Variants in FGD1 observed in about 807,000 individuals in gnomAD.
FGD1 encodes FYVE, RhoGEF and PH domain-containing protein 1.
Under a neutral mutation model 65.0 loss-of-function variants are expected in FGD1, and 12 were observed. The ratio of observed to expected loss-of-function variants is 0.18; its 90% CI spans 0.12 to 0.30. The LOEUF (loss-of-function observed/expected upper bound fraction) is 0.30. Ranked by LOEUF, FGD1 falls within the 10% of genes least tolerant of loss-of-function variation. FGD1 has a pLI of 1.00. For missense variants in FGD1, 542 were observed against 837.6 expected (o/e 0.65, Z 4.36); for synonymous variants, 333 against 343.9 (o/e 0.97, Z 0.35).
At chrX:54,482,293 G>A (rs768505277) in intron 1 of FGD1, among the ~76,000 whole-genome samples, 1 of 106,813 alleles carries the variant, frequency 9.4e-6, no homozygotes, top group Admixed American at 9.8e-5. Context: ...CCACATGAGA[G>A]CACAAGCAGC....
chrX:54,487,595 A>C (rs946148879), intron 1 of FGD1, among the ~76,000 whole-genome samples: 2 of 112,686 alleles, frequency 1.8e-5, no homozygotes, highest in African/African-American at 6.4e-5. Context: ...ATTTTAAAAA[A>C]CTATTTAAAA....
chrX:54,480,225 G>T (rs1923112760), intron 1 of FGD1, among the ~76,000 whole-genome samples: 1 of 112,337 alleles, frequency 8.9e-6, no homozygotes, highest in Non-Finnish European at 1.9e-5. Flanking sequence ...TCTGTAAAGG[G>T]AAGAAGTTTT....
Position 54,449,171 on chromosome X carries a change from C to T in FGD1, c.2246G>A (p.Arg749His). The T allele has an allele frequency of 1.7e-6, 2 of 1,212,036 alleles. No homozygotes were observed. Among genetic ancestry groups the T allele is most frequent in the Non-Finnish European group, 2.2e-6 (2 of 895,521 alleles). The change falls in exon 15 of 18, where the codon CGC (arginine) becomes CAC (histidine). Residue 749 changes from arginine to histidine, a missense_variant. Transcript: ENST00000375135. ...CQEPFNSITKRRHHCKACGHV... is the reference protein window; with the variant it reads ...CQEPFNSITKHRHHCKACGHV... ...CCCGCAGGCCTTGCAGTGGTGCCTG[C>T]GTTTGGTGATAGAATTGAAGGGCTC...
chrX:54,482,751 C>G (rs1253960895), intron 1 of FGD1, among the ~76,000 whole-genome samples: 2 of 111,111 alleles, frequency 1.8e-5, no homozygotes, highest in Non-Finnish European at 3.8e-5. Context: ...AGGAAAACCA[C>G]AGAGACCCAG....
At chrX:54,493,066 G>A (rs1339900555) in intron 1 of FGD1, among the ~76,000 whole-genome samples, 1 of 111,148 alleles carries the variant, frequency 9.0e-6, no homozygotes, top group African/African-American at 3.3e-5. Context: ...ATGAATTGGT[G>A]GATTGGGAAG....
chrX:54,482,976 C>A (rs1923186692), intron 1 of FGD1, among the ~76,000 whole-genome samples: 2 of 111,871 alleles, frequency 1.8e-5, no homozygotes, highest in Admixed American at 1.9e-4. Context: ...ATCCTTACAA[C>A]AACCCTAGAA....
At chrX:54,465,021 T>G (rs1007307826) in intron 8 of FGD1, among the ~76,000 whole-genome samples, 1 of 108,252 alleles carries the variant, frequency 9.2e-6, no homozygotes, top group Non-Finnish European at 1.9e-5. Flanking sequence ...CTCAGTTTCC[T>G]TTCTCATTTG....
chrX:54,484,522 G>C (rs1364028750), intron 1 of FGD1, among the ~76,000 whole-genome samples: 4 of 111,701 alleles, frequency 3.6e-5, no homozygotes, highest in African/African-American at 1.3e-4. Context: ...ATTATTTATT[G>C]ATGCCACAAT....
chrX:54,470,412 G>C lies in FGD1; in HGVS notation c.705C>G (p.Ser235Arg). ...ACATGACTGGCTCTGGGGGACCTGG[G>C]CTGGGGCCAGGGACTGGTCTATCCG... The part of the protein sequence containing the change: ...VASDRPVPGP[S>R]PGPPEPVMLP... The change falls in exon 4 of 18, where the codon AGC (serine) becomes AGG (arginine). Residue 235 changes from serine (S) to arginine (R), a missense_variant. Physicochemically the swap from Ser to Arg is moderately radical, Grantham distance 110. This residue lies in a region of FGD1 where 297 missense variants were observed against 326.8 expected (regional missense o/e 0.91). Coordinates refer to ENST00000375135, the MANE Select transcript of FGD1 (RefSeq NM_004463.3). The C allele has an allele frequency of 8.3e-7, 1 of 1,208,519 alleles. No homozygotes were observed. The highest frequency in any genetic ancestry group is 1.1e-6 in the Non-Finnish European group (1 of 895,017).
chrX:54,455,839 C>G lies in FGD1; in HGVS notation c.1843-55G>C, dbSNP rs1360700817. 9.1e-6 allele frequency: 9 copies of G among 984,662 alleles called. No individual in the cohort carries two copies. The Admixed American group carries it at 2.3e-4, about 26-fold the overall frequency. 81.1% of individuals were successfully genotyped at this position (984,662 alleles called of 1,213,427 possible). On this transcript the variant is annotated intron_variant, in intron 10 of 17. Transcript: ENST00000375135. ...GCAGAGGGCCTAGTGGGGATGTGGC[C>G]CAGCTCCTTGCCCTGAAGCTTTACT...
chrX:54,472,604 CA>C (rs1452877089), intron 1 of FGD1, among the ~76,000 whole-genome samples: 2 of 111,338 alleles, frequency 1.8e-5, no homozygotes, highest in East Asian at 5.7e-4. Flanking sequence ...ACCCCCACCC[CA>C]GGGATGGCAT....
intron 8 of FGD1, among the ~76,000 whole-genome samples, chrX:54,457,305 C>T (rs1922524690): frequency 9.0e-6 from 1 of 111,543 alleles, no homozygotes; most frequent in Admixed American, 9.6e-5. Context: ...TATAAAGAAA[C>T]AATGAGATGA....
chrX:54,480,713 G>A (rs929423999), intron 1 of FGD1, among the ~76,000 whole-genome samples: 1 of 108,556 alleles, frequency 9.2e-6, no homozygotes, highest in Non-Finnish European at 1.9e-5. Context: ...GTGCAGTGGC[G>A]CAATCTCAGC....
At chrX:54,453,381 T>TCACA (rs1460012550) in intron 12 of FGD1, among the ~76,000 whole-genome samples, 5 of 111,389 alleles carry the variant, frequency 4.5e-5, no homozygotes, top group African/African-American at 1.6e-4. Context: ...GCAGGCCATC[T>TCACA]GCTGACATGC....
intron 8 of FGD1, among the ~76,000 whole-genome samples, chrX:54,464,845 G>T (rs1922725715): frequency 1.8e-5 from 2 of 110,149 alleles, no homozygotes; most frequent in African/African-American, 3.3e-5. Flanking sequence ...TTCATTCTGG[G>T]TAGTGGCTGG....
intron 8 of FGD1, among the ~76,000 whole-genome samples, chrX:54,457,129 A>G (rs1382796001): frequency 8.9e-6 from 1 of 111,757 alleles, no homozygotes; most frequent in Non-Finnish European, 1.9e-5. Flanking sequence ...TATTATTACC[A>G]TTAATAATAA....
At chrX:54,471,674 G>C (rs1055329739) in intron 1 of FGD1, among the ~76,000 whole-genome samples, 187 bp from the exon 2 acceptor site, 6 of 111,432 alleles carry the variant, frequency 5.4e-5, no homozygotes, top group South Asian at 3.8e-4. Flanking sequence ...CAGACCCAGG[G>C]CTGGGGCTGG....
chrX:54,482,219 TGC>T (rs200487487), intron 1 of FGD1, among the ~76,000 whole-genome samples: 13,146 of 95,867 alleles, frequency 0.14, 1,695 homozygotes, highest in African/African-American at 0.44. Flanking sequence ...GCCAGGCACA[TGC>T]GCGCGCACAC....
rs746008535 is a variant in FGD1 at position 54,449,731 on chromosome X, T to C, written c.2076A>G (p.Glu692=). The change falls in exon 14 of 18, where the codon GAA becomes GAG. Residue 692 remains glutamate, a synonymous_variant. Transcript: ENST00000375135. ...QAINSTLLKH[E]QTLETFKLLN... is the part of the protein sequence containing the mutation. ...ACAGTTTGAAAGTCTCCAGCGTCTG[T>C]TCATGCTTCAGGAGGGTGGAGTTGA... 3 of 1,207,815 alleles carry C rather than the reference T, an allele frequency of 2.5e-6. No homozygotes were observed. The highest frequency in any genetic ancestry group is 3.4e-6 in the Non-Finnish European group (3 of 892,257).
Sources: allele counts gnomAD v4.1 joint callset (sites outside exome capture counted in the v4.1 genomes callset), GRCh38; gene constraint gnomAD v4.1.1; regional missense constraint gnomAD v4.1.1; transcripts MANE v1.5; gene names NCBI Gene and HGNC (gene_info 2026-07-23, HGNC 2026-07-21).